Variants in ZDBF2 observed in about 807,000 individuals in gnomAD.
ZDBF2 encodes zinc finger DBF-type containing 2.
Under a neutral mutation model 9.4 loss-of-function variants are expected in ZDBF2, and 6 were observed. That is an observed-to-expected ratio of 0.64 (90% confidence interval 0.35 to 1.27). The LOEUF (loss-of-function observed/expected upper bound fraction) is 1.27, where lower values mean the gene tolerates loss of function less well. Among genes scored for constraint, ZDBF2 ranks in the 50% most tolerant of loss-of-function variants. The probability of loss-of-function intolerance (pLI) is 0.03; values close to 1 mark genes in which losing one functional copy is unlikely to be tolerated. For missense variants in ZDBF2, 2,697 were observed against 2,766.8 expected (o/e 0.97, Z 0.57); for synonymous variants, 905 against 946.3 (o/e 0.96, Z 0.80).
chr2:206,277,170 TGTTA>T (rs1377044241), intron 1 of ZDBF2, among the ~76,000 whole-genome samples: 1 of 152,168 alleles, frequency 6.6e-6, no homozygotes, highest in African/African-American at 2.4e-5. Context: ...TTGTGGGTTT[TGTTA>T]GTTCTTACCA....
intron 3 of ZDBF2, among the ~76,000 whole-genome samples, chr2:206,296,569 G>A (rs923332481): frequency 2.6e-5 from 4 of 152,280 alleles, no homozygotes; most frequent in Non-Finnish European, 4.4e-5. Context: ...ACTATCCACC[G>A]TTTCAGGCAT....
intron 4 of ZDBF2, among the ~76,000 whole-genome samples, chr2:206,302,812 T>G (rs1187630070): frequency 6.6e-6 from 1 of 152,144 alleles, no homozygotes; most frequent in Non-Finnish European, 1.5e-5. Flanking sequence ...TAAAATGAAA[T>G]TGCATATGGC....
intron 4 of ZDBF2, among the ~76,000 whole-genome samples, chr2:206,299,964 C>T (rs1300595821): frequency 1.3e-5 from 2 of 152,108 alleles, no homozygotes; most frequent in Non-Finnish European, 2.9e-5. Flanking sequence ...AAAAAATTAG[C>T]CGGGCATGGT....
intron 3 of ZDBF2, chr2:206,291,941 A>G (rs1691920202): frequency 5.1e-6 from 2 of 395,758 alleles, no homozygotes. Context: ...CTCAATACGT[A>G]TATCTTTTAA....
At chr2:206,287,759 CT>C (rs1553522973) in intron 3 of ZDBF2, among the ~76,000 whole-genome samples, 1 of 151,962 alleles carries the variant, frequency 6.6e-6, no homozygotes, top group African/African-American at 2.4e-5. Flanking sequence ...TTCATTATTT[CT>C]TTTTTTCCCT....
intron 4 of ZDBF2, among the ~76,000 whole-genome samples, chr2:206,300,078 C>T (rs1384034711): frequency 6.6e-6 from 1 of 152,176 alleles, no homozygotes; most frequent in Non-Finnish European, 1.5e-5. Context: ...CATTGCACTC[C>T]AGCCTGGGCA....
chr2:206,279,454 T>A (rs1431501023), intron 1 of ZDBF2, 86 bp from the exon 2 acceptor site: 1 of 152,192 alleles, frequency 6.6e-6, no homozygotes, highest in Non-Finnish European at 1.5e-5. Flanking sequence ...ATGTCACCGT[T>A]CACAATATAT....
In ZDBF2 at chr2:206,313,254, G is replaced by GT. The variant is rs1693274666; in HGVS notation, c.*1662dup. On this transcript the variant is annotated 3_prime_UTR_variant, in exon 5 of 5. Coordinates refer to ENST00000374423, the MANE Select transcript of ZDBF2 (RefSeq NM_020923.3). ...TTTCAGGGGCCATTATTTAACCTGT[G>GT]TGTATGCTATGATGGAGTTCTTTTG... The GT allele has an allele frequency of 6.6e-6, 1 of 152,156 alleles. No individual in the cohort carries two copies. Among genetic ancestry groups the GT allele is most frequent in the East Asian group, 1.9e-4 (1 of 5,206 alleles). The allele number at this position is 152,156 out of a possible 1,614,324, so 9.4% of individuals were successfully genotyped here. A position where few individuals can be genotyped will look rare whatever the true frequency, so the allele number is the denominator to read the frequency against.
At chr2:206,296,336 T>C (rs1028925771) in intron 3 of ZDBF2, among the ~76,000 whole-genome samples, 1 of 152,262 alleles carries the variant, frequency 6.6e-6, no homozygotes, top group Non-Finnish European at 1.5e-5. Flanking sequence ...AGCGTATTCC[T>C]GCTGTCTGCC....
At chr2:206,281,178 T>C (rs1333305080) in intron 2 of ZDBF2, among the ~76,000 whole-genome samples, 1 of 152,182 alleles carries the variant, frequency 6.6e-6, no homozygotes, top group Non-Finnish European at 1.5e-5. Flanking sequence ...TATTTATTTG[T>C]AGAGAAATCT....
intron 4 of ZDBF2, among the ~76,000 whole-genome samples, chr2:206,304,432 A>G (rs1421678692): frequency 1.3e-5 from 2 of 152,104 alleles, no homozygotes; most frequent in African/African-American, 2.4e-5. Flanking sequence ...ACTTTTTGCT[A>G]TTTACTACTC....
At position 206,311,554 on chromosome 2, in the gene ZDBF2, T is replaced by C; in HGVS notation, c.7026T>C (p.Thr2342=). 1 of 1,528,432 alleles carries C rather than the reference T, an allele frequency of 6.5e-7. No individual in the cohort carries two copies. Among genetic ancestry groups the C allele is most frequent in the Non-Finnish European group, 8.8e-7 (1 of 1,139,862 alleles). 94.7% of individuals were successfully genotyped at this position (1,528,432 alleles called of 1,614,324 possible). ...SCLQQRERMM[T]RLANKLRGNE... is the part of the protein sequence containing the mutation. ...TACAACAACGTGAGAGAATGATGAC[T>C]CGGCTAGCAAACAAACTGAGAGGTA... is the stretch of plus-strand genomic sequence containing the variant. Residue 2342 remains threonine (T), a synonymous_variant, in exon 5 of 5, where the codon ACT becomes ACC. Transcript: ENST00000374423.
intron 4 of ZDBF2, among the ~76,000 whole-genome samples, 170 bp downstream of exon 4, chr2:206,297,543 T>C (rs1388633956): frequency 6.6e-6 from 1 of 152,220 alleles, no homozygotes; most frequent in African/African-American, 2.4e-5. Flanking sequence ...AAGTAAGAAA[T>C]TTCACTACAG....
chr2:206,287,911 C>CT (rs1691682942), intron 3 of ZDBF2, among the ~76,000 whole-genome samples: 1 of 151,560 alleles, frequency 6.6e-6, no homozygotes. Context: ...CTGTTTGGTT[C>CT]TTTTTTATGA....
At chr2:206,303,875 A>G (rs78613267) in intron 4 of ZDBF2, among the ~76,000 whole-genome samples, 2 of 152,140 alleles carry the variant, frequency 1.3e-5, no homozygotes, top group Non-Finnish European at 2.9e-5. Context: ...ATTTGTATAT[A>G]TAGAGCCGCT....
intron 3 of ZDBF2, among the ~76,000 whole-genome samples, chr2:206,282,261 T>TCCAA (rs1691360500): frequency 6.6e-6 from 1 of 152,132 alleles, no homozygotes; most frequent in South Asian, 2.1e-4. Context: ...GGAGTTTGGG[T>TCCAA]CTCAGGTTTG....
chr2:206,306,174 T>C lies in ZDBF2; in HGVS notation c.1646T>C (p.Val549Ala), dbSNP rs752908335. 10 of 1,613,616 alleles carry C rather than the reference T, an allele frequency of 6.2e-6. No individual in the cohort carries two copies. The Admixed American group carries it at 1.7e-4, about 27-fold the overall frequency. The part of the protein sequence containing the change: ...SADSVFPLQS[V>A]VDRPPVAVTE... ...GATTCTGTTTTCCCACTGCAGTCAG[T>C]GGTTGACAGACCCCCAGTGGCTGTC... The change falls in exon 5 of 5, where the codon GTG (valine) becomes GCG (alanine). Residue 549 changes from valine (V) to alanine (A), a missense_variant. Val to Ala is a moderately conservative substitution (Grantham distance 64). Transcript: ENST00000374423.
At chr2:206,281,748 C>T in intron 2 of ZDBF2, 53 bp from the exon 3 acceptor site, 1 of 1,086,732 alleles carries the variant, frequency 9.2e-7, no homozygotes, top group Non-Finnish European at 1.3e-6. Flanking sequence ...TAGCCATTTT[C>T]CTCATAAGAG....
At chr2:206,297,158 C>T in intron 3 of ZDBF2, 88 bp from the exon 4 acceptor site, 3 of 532,352 alleles carry the variant, frequency 5.6e-6, no homozygotes, top group Middle Eastern at 2.8e-4. Context: ...ATAATTTTAC[C>T]AAGAGTATAG....
Sources: gnomAD v4.1 joint callset for allele counts (sites outside exome capture counted in the v4.1 genomes callset) on GRCh38, gnomAD v4.1.1 for gene constraint, MANE v1.5 for transcripts, NCBI Gene and HGNC (gene_info 2026-07-23, HGNC 2026-07-21) for gene names.